The following TTC22 variants were observed in gnomAD, a reference collection of about 807,000 sequenced individuals.
The protein encoded by TTC22 is tetratricopeptide repeat domain 22.
In TTC22, 42 loss-of-function variants were observed where a neutral mutation model predicts 48.2. That is an observed-to-expected ratio of 0.87 (90% confidence interval 0.68 to 1.13). The LOEUF (loss-of-function observed/expected upper bound fraction) is 1.13, where lower values mean the gene tolerates loss of function less well. Among genes scored for constraint, TTC22 ranks in the 50% most tolerant of loss-of-function variants. The pLI is 0.00. For missense variants in TTC22, 784 were observed against 807.0 expected (o/e 0.97, Z 0.34); for synonymous variants, 345 against 365.5 (o/e 0.94, Z 0.64).
rs776893471 is a variant in TTC22, at chr1:54,786,086, TAGA to T, written c.914_916del (p.Phe305del). On this transcript the variant is annotated inframe_deletion, in exon 5 of 7. Transcript: ENST00000371276. ...GGCCATATCCTGCTTTCCCAGGAAG[TAGA>T]AGATTTTTGCCAGGCGATTCAGGAT... 1.6e-5 allele frequency: 26 copies of T among 1,613,942 alleles called. No homozygotes were observed. The South Asian group carries it at 2.4e-4, about 15-fold the overall frequency.
Position 54,781,390 on chromosome 1 carries a change from C to T in TTC22, c.1563G>A (p.Trp521Ter). ...CCAACACCTCGTCCGTGTGCCCGCGCCACACGCGCTGCAGCTCCTGGCGCA... is the reference window on the plus strand; with the variant it reads ...CCAACACCTCGTCCGTGTGCCCGCGTCACACGCGCTGCAGCTCCTGGCGCA... ...ARLRQELQRV[W>*]RGHTDEVLGL... The change falls in exon 7 of 7, where the codon TGG becomes TGA. Residue 521 changes from tryptophan (W) to a stop codon, truncating the protein, a stop_gained. Transcript: ENST00000371276. LOFTEE classifies it low-confidence loss of function (END_TRUNC). 6 of 1,386,042 alleles carry T rather than the reference C, an allele frequency of 4.3e-6. No homozygotes were observed. The highest frequency in any genetic ancestry group is 5.6e-6 in the Non-Finnish European group (6 of 1,080,926). The allele number at this position is 1,386,042 out of a possible 1,614,324, so 85.9% of individuals were successfully genotyped here.
intron 6 of TTC22, 109 bp downstream of exon 6, chr1:54,782,215 TC>T: frequency 8.9e-7 from 1 of 1,117,582 alleles, no homozygotes; most frequent in African/African-American, 1.6e-5. Flanking sequence ...GGTACTGTTA[TC>T]AGGGAGTGAA....
intron 1 of TTC22, among the ~76,000 whole-genome samples, chr1:54,790,797 C>T (rs897868818): frequency 6.6e-6 from 1 of 151,834 alleles, no homozygotes; most frequent in African/African-American, 2.4e-5. Context: ...CTGCTTCTTT[C>T]TTCTTTCTTC....
chr1:54,797,423 C>A (rs910740318), intron 1 of TTC22, among the ~76,000 whole-genome samples: 1 of 152,062 alleles, frequency 6.6e-6, no homozygotes. Flanking sequence ...CCAAGGCAGG[C>A]GGATCACCTG....
chr1:54,789,428 G>C (rs1317472428), intron 1 of TTC22, among the ~76,000 whole-genome samples: 1 of 152,246 alleles, frequency 6.6e-6, no homozygotes, highest in African/African-American at 2.4e-5. Context: ...GTGTGTGAAT[G>C]GGGATCTGGG....
chr1:54,791,967 T>A (rs1646355097), intron 1 of TTC22, among the ~76,000 whole-genome samples: 1 of 150,396 alleles, frequency 6.6e-6, no homozygotes, highest in Non-Finnish European at 1.5e-5. Context: ...TTACCTAAGG[T>A]TCCACACTAG....
At chr1:54,791,949 G>A (rs993983282) in intron 1 of TTC22, among the ~76,000 whole-genome samples, 4 of 151,622 alleles carry the variant, frequency 2.6e-5, no homozygotes, top group Admixed American at 6.6e-5. Flanking sequence ...CAAGAGAGGC[G>A]AAGTGGCTTA....
At position 54,792,342 on chromosome 1, in the gene TTC22, A is replaced by T. The variant is rs1646358230; in HGVS notation, c.568-4245T>A. ...ATACACAGACCTAGTCAGAAGCCTC[A>T]TTGTGCCTGAGCTTTATTCCTCTAT... On this transcript the variant is annotated intron_variant, in intron 1 of 6. Coordinates refer to ENST00000371276, the MANE Select transcript of TTC22 (RefSeq NM_001114108.2). 2.0e-5 allele frequency among the ~76,000 whole-genome samples: 3 copies of T among 152,076 alleles called. No homozygotes were observed. The South Asian group carries it at 6.2e-4, about 31-fold the overall frequency.
chr1:54,781,840 C>T (rs1032402722), intron 6 of TTC22, 61 bp from the exon 7 acceptor site: 3 of 1,355,702 alleles, frequency 2.2e-6, no homozygotes, highest in Non-Finnish European at 2.9e-6. Context: ...CTCATTCCCG[C>T]CCCACGCTTG....
intron 1 of TTC22, among the ~76,000 whole-genome samples, chr1:54,791,038 T>G (rs1646347162): frequency 6.6e-6 from 1 of 152,182 alleles, no homozygotes; most frequent in Admixed American, 6.5e-5. Context: ...TTTTGTATTT[T>G]TAGTAGAGAT....
At position 54,786,051 on chromosome 1, in the gene TTC22, A is replaced by G. The variant is rs1167715714; in HGVS notation, c.952T>C (p.Cys318Arg). The change falls in exon 5 of 7, where the codon TGC becomes CGC. Residue 318 changes from cysteine (C) to arginine (R), a missense_variant. By Grantham distance (180) the Cys-to-Arg change is radical. Transcript: ENST00000371276. Reference sequence around the variant, plus strand: ...CGTAGGACATCCAGGGCCATGTTGCAGGTTCCAATGGCCATATCCTGCTTT... The same window carrying G: ...CGTAGGACATCCAGGGCCATGTTGCGGGTTCCAATGGCCATATCCTGCTTT... ...LGKQDMAIGT[C>R]NMALDVLRDP... 1 of 1,613,904 alleles carries G rather than the reference A, an allele frequency of 6.2e-7. No homozygotes were observed.
Position 54,781,588 on chromosome 1 carries a change from G to A in TTC22, c.1365C>T (p.Phe455=). Reference sequence around the variant, plus strand: ...CGTCGTCCAGCTCCACTGCGCGCTTGAAGCAGGCGGCCGCGTTGGCGTCCT... The same window carrying A: ...CGTCGTCCAGCTCCACTGCGCGCTTAAAGCAGGCGGCCGCGTTGGCGTCCT... ...KGEDANAAAC[F]KRAVELDDAG... Residue 455 remains phenylalanine (F), a synonymous_variant, in exon 7 of 7, where the codon TTC becomes TTT. Coordinates refer to ENST00000371276, the MANE Select transcript of TTC22 (RefSeq NM_001114108.2). 1 of 1,524,178 alleles carries A rather than the reference G, an allele frequency of 6.6e-7. No individual in the cohort carries two copies. The highest frequency in any genetic ancestry group is 8.8e-7 in the Non-Finnish European group (1 of 1,142,016). 94.4% of individuals were successfully genotyped at this position (1,524,178 alleles called of 1,614,324 possible).
intron 1 of TTC22, chr1:54,792,736 G>A (rs1462795236): frequency 6.6e-6 from 1 of 152,158 alleles, no homozygotes; most frequent in Non-Finnish European, 1.5e-5. Flanking sequence ...TTTGGCTCTG[G>A]ACTGTCTCTT....
Position 54,787,053 on chromosome 1 carries a change from C to T in TTC22, c.762G>A (p.Gly254=). The T allele has an allele frequency of 6.5e-7, 1 of 1,535,270 alleles. No homozygotes were observed. The highest frequency in any genetic ancestry group is 8.8e-7 in the Non-Finnish European group (1 of 1,139,568). The change falls in exon 4 of 7, where the codon GGG becomes GGA. Residue 254 remains glycine (G), a synonymous_variant. Coordinates refer to ENST00000371276, the MANE Select transcript of TTC22 (RefSeq NM_001114108.2). ...AGGTGTCCTTCCGCTCCAGCAGCAT[C>T]CCGAGGTAGCACCAGGCCAGGGCTG... The part of the protein sequence containing the change: ...RHRALAWCYL[G]MLLERKDTFS...
chr1:54,781,499 T>C lies in TTC22; in HGVS notation c.1454A>G (p.Gln485Arg). ...LLEALLAQWS[Q>R]AQLSDGELGR... ...CAGCTCCCCGTCGCTCAGCTGTGCCTGGCTCCACTGCGCCAGCAGCGCCTC... is the reference window on the plus strand; with the variant it reads ...CAGCTCCCCGTCGCTCAGCTGTGCCCGGCTCCACTGCGCCAGCAGCGCCTC... The change falls in exon 7 of 7, where the codon CAG (glutamine) becomes CGG (arginine). Residue 485 changes from glutamine to arginine, a missense_variant. Coordinates refer to ENST00000371276, the MANE Select transcript of TTC22 (RefSeq NM_001114108.2). 1 of 1,499,810 alleles carries C rather than the reference T, an allele frequency of 6.7e-7. No homozygotes were observed. Among genetic ancestry groups the C allele is most frequent in the Non-Finnish European group, 8.8e-7 (1 of 1,132,412 alleles). The allele number at this position is 1,499,810 out of a possible 1,614,324, so 92.9% of individuals were successfully genotyped here. A position where few individuals can be genotyped will look rare whatever the true frequency, so the allele number is the denominator to read the frequency against.
chr1:54,786,218 C>T, intron 4 of TTC22, 74 bp from the exon 5 acceptor site: 7 of 1,384,976 alleles, frequency 5.1e-6, no homozygotes, highest in Non-Finnish European at 1.0e-6. Flanking sequence ...AGTGCTGAAC[C>T]ACAGGAACCC....
In TTC22 at chr1:54,800,843, T is replaced by C. The variant is rs370992531; in HGVS notation, c.321A>G (p.Ala107=). The C allele has an allele frequency of 1.2e-6, 2 of 1,608,326 alleles. No individual in the cohort carries two copies. The highest frequency in any genetic ancestry group is 2.7e-5 in the African/African-American group (2 of 74,860). The change falls in exon 1 of 7, where the codon GCA becomes GCG. Residue 107 remains alanine, a synonymous_variant. Transcript: ENST00000371276. ...CCTGGCCCAGCCGCCCGTACACGTG[T>C]GCCAGATTGGCCCAGGCATTGAGGT... ...PGNLNAWANL[A]HVYGRLGQEE... is the part of the protein sequence containing the mutation.
intron 6 of TTC22, 46 bp from the exon 7 acceptor site, chr1:54,781,825 C>T (rs1240655171): frequency 7.3e-7 from 1 of 1,374,414 alleles, no homozygotes; most frequent in African/African-American, 1.5e-5. Flanking sequence ...AGGCGCGGCT[C>T]CACGCTCATT....
chr1:54,787,135 G>A, intron 3 of TTC22, 60 bp from the exon 4 acceptor site: 1 of 882,918 alleles, frequency 1.1e-6, no homozygotes, highest in Non-Finnish European at 1.7e-6. Context: ...GAGGGAAGGG[G>A]CCATCCCCAT....
Sources: gnomAD v4.1 joint callset for allele counts (sites outside exome capture counted in the v4.1 genomes callset) on GRCh38, gnomAD v4.1.1 for gene constraint, MANE v1.5 for transcripts, NCBI Gene and HGNC (gene_info 2026-07-23, HGNC 2026-07-21) for gene names.